The following KLRG1 variants were observed in gnomAD, a reference collection of about 807,000 sequenced individuals.
The protein encoded by KLRG1 is killer cell lectin like receptor G1.
A neutral mutation model predicts 21.8 loss-of-function variants in KLRG1; 16 were observed. That is an observed-to-expected ratio of 0.73 (90% CI 0.50 to 1.11). The LOEUF is 1.11. Ranked by LOEUF, KLRG1 falls within the 50% of genes most tolerant of loss-of-function variation. The pLI, the probability that KLRG1 is intolerant of heterozygous loss-of-function variation, is 0.00. For synonymous variants in KLRG1, 69 were observed against 75.9 expected, an observed-to-expected ratio of 0.91 and a Z score of 0.47; for missense variants, 173 against 218.3, an observed-to-expected ratio of 0.79 and a Z score of 1.31.
At chr12:9,093,891 T>TCAAACAAACAAACAAA in the KLRG1 span, among the ~76,000 whole-genome samples, 1 of 150,904 alleles carries the variant, frequency 6.6e-6, no homozygotes, top group African/African-American at 2.5e-5. Context: ...AGACTTCGTC[T>TCAAACAAACAAACAAA]CAAACAAACA....
chr12:9,152,384 C>T, the KLRG1 span: 2 of 1,080,916 alleles, frequency 1.9e-6, no homozygotes, highest in Admixed American at 3.5e-5. Flanking sequence ...TCAAGCATCA[C>T]TTTAAGCCTG....
chr12:9,102,436 G>C, the KLRG1 span, among the ~76,000 whole-genome samples: 4 of 151,962 alleles, frequency 2.6e-5, no homozygotes, highest in African/African-American at 9.7e-5. Flanking sequence ...GGCTCGTCTC[G>C]ATCTCCTGGC....
At chr12:8,955,302 C>T (rs1038124756) in intron 1 of KLRG1, among the ~76,000 whole-genome samples, 4 of 146,426 alleles carry the variant, frequency 2.7e-5, no homozygotes, top group Non-Finnish European at 6.0e-5. Flanking sequence ...AGAAGATTTT[C>T]ATCATCCAAG....
chr12:9,070,660 A>G, the KLRG1 span: 1 of 927,494 alleles, frequency 1.1e-6, no homozygotes. Flanking sequence ...TAAGCATTCC[A>G]CAGCTCTAAA....
chr12:9,111,917 C>A, the KLRG1 span: 4 of 626,692 alleles, frequency 6.4e-6, no homozygotes, highest in African/African-American at 5.3e-5. Flanking sequence ...AATTAAGAAC[C>A]ATCCGAAAAG....
the KLRG1 span, chr12:9,181,218 AT>A: frequency 6.5e-7 from 1 of 1,542,056 alleles, no homozygotes; most frequent in African/African-American, 1.4e-5. Context: ...CCACCCTTAT[AT>A]TCAGTTCATA....
the KLRG1 span, among the ~76,000 whole-genome samples, chr12:9,048,182 C>T: frequency 6.6e-6 from 1 of 151,948 alleles, no homozygotes; most frequent in African/African-American, 2.4e-5. Context: ...GCTCAGAAAA[C>T]AATGGAAATA....
At chr12:9,028,144 T>G in the KLRG1 span, 916 of 590,212 alleles carry the variant, frequency 1.6e-3, 2 homozygotes, top group African/African-American at 0.014. Flanking sequence ...TGTCGTCGTC[T>G]TCTTCTTTTT....
the KLRG1 span, chr12:9,168,670 TC>T: frequency 2.0e-6 from 1 of 500,100 alleles, no homozygotes; most frequent in South Asian, 3.7e-5. Flanking sequence ...CCCTGAAGTA[TC>T]GGATGTATCT....
At chr12:9,072,315 G>A in the KLRG1 span, 1 of 1,600,834 alleles carries the variant, frequency 6.2e-7, no homozygotes, top group South Asian at 1.1e-5. Flanking sequence ...AAAGAAGACT[G>A]GTGGTTATTC....
At chr12:8,961,600 T>C (rs1032975180) in intron 1 of KLRG1, among the ~76,000 whole-genome samples, 3 of 147,508 alleles carry the variant, frequency 2.0e-5, no homozygotes, top group Non-Finnish European at 4.5e-5. Context: ...TTTTTTTTTT[T>C]AGTAGAGACA....
At chr12:9,018,751 C>G in the KLRG1 span, among the ~76,000 whole-genome samples, 1 of 150,676 alleles carries the variant, frequency 6.6e-6, no homozygotes. Context: ...ACTAGACCCT[C>G]CTCTCTCTTG....
At chr12:9,181,250 G>T in the KLRG1 span, 2 of 1,271,520 alleles carry the variant, frequency 1.6e-6, no homozygotes, top group Non-Finnish European at 2.2e-6. Context: ...GGTAATGTCA[G>T]TCAGAAACCT....
chr12:9,190,422 C>T, the KLRG1 span, among the ~76,000 whole-genome samples: 1,044 of 152,096 alleles, frequency 6.9e-3, 14 homozygotes, highest in African/African-American at 0.024. Flanking sequence ...TCCATGTGCT[C>T]AGTTATAAGT....
the KLRG1 span, chr12:9,095,126 A>G: frequency 9.7e-7 from 1 of 1,029,460 alleles, no homozygotes; most frequent in Non-Finnish European, 1.4e-6. Flanking sequence ...TATATATTAT[A>G]AAATATACAT....
chr12:9,113,548 G>T, the KLRG1 span: 1 of 1,612,118 alleles, frequency 6.2e-7, no homozygotes, highest in Non-Finnish European at 8.5e-7. Flanking sequence ...TACTGCCTGG[G>T]AATGAGACGG....
the KLRG1 span, chr12:9,192,470 C>T: frequency 8.3e-6 from 13 of 1,561,176 alleles, 1 homozygote; most frequent in East Asian, 2.3e-5. Flanking sequence ...CACTTTTGTC[C>T]TACTGATAAG....
the KLRG1 span, chr12:9,112,613 C>T: frequency 2.0e-6 from 3 of 1,524,122 alleles, no homozygotes; most frequent in Non-Finnish European, 2.7e-6. Context: ...GCACTCTTCC[C>T]TGGAGATCTT....
the KLRG1 span, chr12:9,165,331 A>G: frequency 9.3e-6 from 15 of 1,614,046 alleles, no homozygotes; most frequent in Non-Finnish European, 1.2e-5. Context: ...TGATGGTGTC[A>G]GGGACTGTTA....
Sources: gnomAD v4.1 joint callset for allele counts (sites outside exome capture counted in the v4.1 genomes callset) on GRCh38, gnomAD v4.1.1 for gene constraint, MANE v1.5 for transcripts, NCBI Gene and HGNC (gene_info 2026-07-23, HGNC 2026-07-21) for gene names.